CCR6: variants seen among roughly 807,000 people sequenced by gnomAD.
The protein encoded by CCR6 is C-C motif chemokine receptor 6, also known as C-C chemokine receptor type 6.
Under a neutral mutation model 3.0 loss-of-function variants are expected in CCR6, and 2 were observed. That is an observed-to-expected ratio of 0.66 (90% CI 0.27 to 2.07). CCR6 has a LOEUF of 2.07. Ranked by LOEUF, CCR6 falls within the 30% of genes most tolerant of loss-of-function variation. The pLI is 0.14. For missense variants in CCR6, 322 were observed against 462.8 expected, an observed-to-expected ratio of 0.70 and a Z score of 2.79; for synonymous variants, 193 against 184.3, an observed-to-expected ratio of 1.05 and a Z score of -0.38.
upstream of CCR6, chr6:167,121,387 A>C (rs1455463312): frequency 6.6e-6 from 1 of 152,290 alleles, no homozygotes; most frequent in Non-Finnish European, 1.5e-5. Context: ...GCCAGGGCTA[A>C]TCATCTATAA....
intron 1 of CCR6, among the ~76,000 whole-genome samples, chr6:167,117,459 C>A (rs1174597856): frequency 9.4e-4 from 134 of 142,560 alleles, no homozygotes; most frequent in Non-Finnish European, 1.4e-3. Context: ...CTCTGTCGCC[C>A]AGGCTGGAGC....
chr6:167,135,582 A>G (rs1474792049), intron 1 of CCR6, among the ~76,000 whole-genome samples: 1 of 152,134 alleles, frequency 6.6e-6, no homozygotes, highest in Non-Finnish European at 1.5e-5. Context: ...TGAATTATAC[A>G]TTTTCTATGC....
At chr6:167,131,795 A>G (rs1031676032) in intron 1 of CCR6, among the ~76,000 whole-genome samples, 9 of 152,188 alleles carry the variant, frequency 5.9e-5, no homozygotes, top group African/African-American at 2.2e-4. Flanking sequence ...GTTCCAACAC[A>G]TTTGCGCGGA....
intron 1 of CCR6, among the ~76,000 whole-genome samples, chr6:167,128,303 G>A (rs1781701884): frequency 6.6e-6 from 1 of 152,262 alleles, no homozygotes; most frequent in Admixed American, 6.5e-5. Context: ...GCGTGACATG[G>A]GGCCATGATT....
chr6:167,130,712 T>C lies in CCR6; in HGVS notation c.-97-5326T>C, dbSNP rs1419170485. ...TTTGTCATTATCTAGAATTGTACATTGTTTATACCTAACACGTGCAAAACA... is the reference window on the plus strand; with the variant it reads ...TTTGTCATTATCTAGAATTGTACATCGTTTATACCTAACACGTGCAAAACA... On this transcript the variant is annotated intron_variant, in intron 1 of 2. Transcript: ENST00000341935. Among the ~76,000 whole-genome samples the C allele has an allele frequency of 2.6e-5, 4 of 152,002 alleles. No homozygotes were observed. The East Asian group carries it at 7.7e-4, about 29-fold the overall frequency.
chr6:167,127,157 A>G (rs1377011063), intron 1 of CCR6: 1 of 152,224 alleles, frequency 6.6e-6, no homozygotes, highest in African/African-American at 2.4e-5. Flanking sequence ...ACCTTTTTTA[A>G]AGAGATGAGG....
upstream of CCR6, among the ~76,000 whole-genome samples, chr6:167,118,494 C>A (rs1182037269): frequency 1.3e-5 from 2 of 152,142 alleles, no homozygotes; most frequent in African/African-American, 4.8e-5. Flanking sequence ...TATAACTGTT[C>A]TTCTACGTAG....
At chr6:167,124,316 G>C (rs970083463) in intron 1 of CCR6, among the ~76,000 whole-genome samples, 10 of 148,880 alleles carry the variant, frequency 6.7e-5, no homozygotes, top group Non-Finnish European at 1.5e-4. Flanking sequence ...ATCACCGGGG[G>C]AAAACAAAAA....
At chr6:167,114,129 G>A (rs2114907799) in intron 1 of CCR6, among the ~76,000 whole-genome samples, 1 of 152,282 alleles carries the variant, frequency 6.6e-6, no homozygotes, top group East Asian at 1.9e-4. Flanking sequence ...GGCAGCCGGC[G>A]CATGACCTAG....
rs188648743 is a variant in CCR6, at chr6:167,137,775, C to T, written c.*420C>T. 1.0e-3 allele frequency: 171 copies of T among 164,906 alleles called. No homozygotes were observed. Among genetic ancestry groups the T allele is most frequent in the African/African-American group, 3.9e-3 (163 of 41,650 alleles). 10.2% of individuals were successfully genotyped at this position (164,906 alleles called of 1,614,324 possible). A position where few individuals can be genotyped will look rare whatever the true frequency, so the allele number is the denominator to read the frequency against. On this transcript the variant is annotated 3_prime_UTR_variant, in exon 3 of 3. Transcript: ENST00000341935. The surrounding 1 kb of genome is among the most constrained non-coding windows in gnomAD (Gnocchi z 4.6). ...ACAGAAAAAAAAATGGAAGCCAACA[C>T]ATCACTCATTTTAGGCAAATGTTTA...
chr6:167,131,525 G>A (rs12192950), intron 1 of CCR6: 5,652 of 152,630 alleles, frequency 0.037, 172 homozygotes, highest in Non-Finnish European at 0.051. Context: ...CCCCACCTTG[G>A]CCTAGCATCC....
intron 1 of CCR6, chr6:167,126,738 TC>T (rs1446612230): frequency 6.6e-6 from 1 of 152,258 alleles, no homozygotes; most frequent in Non-Finnish European, 1.5e-5. Flanking sequence ...GTTCCCATAA[TC>T]CCCACGTGTG....
chr6:167,122,081 T>C (rs1781597812), upstream of CCR6, among the ~76,000 whole-genome samples: 1 of 151,940 alleles, frequency 6.6e-6, no homozygotes, highest in African/African-American at 2.4e-5. The surrounding 1 kb of genome is among the most constrained non-coding windows in gnomAD (Gnocchi z 4.2). Flanking sequence ...AGCTCAGGGC[T>C]CTGCAGGAAG....
chr6:167,118,710 T>TCAA (rs1186552079), upstream of CCR6, among the ~76,000 whole-genome samples: 4 of 152,190 alleles, frequency 2.6e-5, no homozygotes, highest in African/African-American at 9.7e-5. Context: ...GATTGGCTCT[T>TCAA]CAACTTATTG....
At chr6:167,122,103 G>A (rs41387446), upstream of CCR6, among the ~76,000 whole-genome samples, 516 of 152,296 alleles carry the variant, frequency 3.4e-3, no homozygotes, top group Non-Finnish European at 5.1e-3. This position sits in a 1 kb window ranked among gnomAD's most constrained non-coding sequence, Gnocchi z 4.2. Flanking sequence ...AGCGACCCAG[G>A]TGAGGTGTGG....
At chr6:167,121,974 A>G (rs1781595410), upstream of CCR6, among the ~76,000 whole-genome samples, 1 of 152,170 alleles carries the variant, frequency 6.6e-6, no homozygotes. Context: ...AGTGGGGTTG[A>G]GCAGGACACA....
chr6:167,127,266 T>A (rs376348592), intron 1 of CCR6: 5 of 152,016 alleles, frequency 3.3e-5, no homozygotes, highest in East Asian at 2.0e-4. Flanking sequence ...TTTCCCAAAG[T>A]GTTTCCAAAG....
At chr6:167,130,975 C>CCCCTCCCTCCGTG (rs1491335734) in intron 1 of CCR6, among the ~76,000 whole-genome samples, 1 of 131,192 alleles carries the variant, frequency 7.6e-6, no homozygotes, top group African/African-American at 3.1e-5. Flanking sequence ...CCTCTGGGAC[C>CCCCTCCCTCCGTG]ACCCTCCCTC....
At chr6:167,129,767 T>C (rs1781724103) in intron 1 of CCR6, among the ~76,000 whole-genome samples, 1 of 151,590 alleles carries the variant, frequency 6.6e-6, no homozygotes, top group African/African-American at 2.4e-5. Flanking sequence ...TGTCATGCCA[T>C]AGTGTGCCCG....
Sources: allele counts gnomAD v4.1 joint callset (sites outside exome capture counted in the v4.1 genomes callset), GRCh38; gene constraint gnomAD v4.1.1; non-coding constraint Gnocchi (gnomAD v3.1); transcripts MANE v1.5; gene names NCBI Gene and HGNC (gene_info 2026-07-23, HGNC 2026-07-21).